MYRF: variants seen among roughly 807,000 people sequenced by gnomAD.
The protein encoded by MYRF is myelin regulatory factor.
MYRF carries 16 observed loss-of-function variants against 126.3 expected under a neutral mutation model. That is an observed-to-expected ratio of 0.13 (90% CI 0.09 to 0.19). MYRF has a LOEUF of 0.19. Ranked by LOEUF, MYRF falls within the 10% of genes least tolerant of loss-of-function variation. The pLI is 1.00. For missense variants in MYRF, 1,104 were observed against 1,547.0 expected, an observed-to-expected ratio of 0.71 and a Z score of 4.80; for synonymous variants, 608 against 635.3, an observed-to-expected ratio of 0.96 and a Z score of 0.65.
At chr11:61,753,627 G>A (rs1462499043) in intron 1 of MYRF, among the ~76,000 whole-genome samples, 3 of 144,760 alleles carry the variant, frequency 2.1e-5, no homozygotes, top group African/African-American at 5.2e-5. Flanking sequence ...CTCTGACCTC[G>A]CCCCCTCAAA....
chr11:61,771,358 TGAG>T, intron 5 of MYRF, 139 bp from the exon 6 acceptor site: 1 of 1,165,240 alleles, frequency 8.6e-7, no homozygotes, highest in East Asian at 2.5e-5. Flanking sequence ...AGGCAAAGCC[TGAG>T]GGCTTCCTGA....
Position 61,781,770 on chromosome 11 carries a change from G to C in MYRF, c.2962G>C (p.Ala988Pro), listed in dbSNP as rs1457790205. The change falls in exon 22 of 27, where the codon GCC (alanine) becomes CCC (proline). Residue 988 changes from alanine (A) to proline (P), a missense_variant. Ala to Pro is a conservative substitution (Grantham distance 27, BLOSUM62 -1). Transcript: ENST00000278836. Reference protein sequence around the residue: ...LGFHGRARRGALQSSVGPAEP... With the variant: ...LGFHGRARRGPLQSSVGPAEP... ...TTTCCATGGCCGGGCCCGCCGAGGG[G>C]CCCTCCAGTCCAGCGTGGGCCCTGC... is the stretch of plus-strand genomic sequence containing the variant. The C allele has an allele frequency of 6.2e-7, 1 of 1,610,252 alleles. No individual in the cohort carries two copies. The highest frequency in any genetic ancestry group is 8.5e-7 in the Non-Finnish European group (1 of 1,178,746).
At chr11:61,779,746 A>T (rs1188387621) in intron 16 of MYRF, 96 bp from the exon 17 acceptor site, 9 of 1,268,988 alleles carry the variant, frequency 7.1e-6, no homozygotes, top group Non-Finnish European at 9.9e-6. Context: ...GAAATGGGGC[A>T]CCCCCTTAAC....
Position 61,765,916 on chromosome 11 carries a change from C to T in MYRF, c.135-42C>T, listed in dbSNP as rs528624028. The T allele has an allele frequency of 3.7e-5, 54 of 1,468,888 alleles. No individual in the cohort carries two copies. In the African/African-American group the frequency reaches 7.5e-4, roughly 20 times the overall value. 91.0% of individuals were successfully genotyped at this position (1,468,888 alleles called of 1,614,324 possible). The stretch of plus-strand genomic sequence containing the variant: ...GGGGGCGGCTACTTCCCTGCTGGGG[C>T]TGGGGTCCTGGCTGGAGCTGAGCCG... On this transcript the variant is annotated intron_variant, in intron 2 of 26. Transcript: ENST00000278836.
At chr11:61,760,526 T>C (rs1264253821) in intron 1 of MYRF, among the ~76,000 whole-genome samples, 1 of 152,170 alleles carries the variant, frequency 6.6e-6, no homozygotes, top group Non-Finnish European at 1.5e-5. Flanking sequence ...TGACCATGCC[T>C]CAGAGGGACT....
Position 61,765,894 on chromosome 11 carries a change from G to A in MYRF, c.135-64G>A, listed in dbSNP as rs76368319. ...TCTCCATAGTTCCCTGCAGGGAGGG[G>A]GCGGCTACTTCCCTGCTGGGGCTGG... On this transcript the variant is annotated intron_variant, in intron 2 of 26. Coordinates refer to ENST00000278836, the MANE Select transcript of MYRF (RefSeq NM_001127392.3). The A allele has an allele frequency of 4.5e-3, 6,571 of 1,458,560 alleles. 16 individuals carry two copies. Among genetic ancestry groups the A allele is most frequent in the Non-Finnish European group, 5.4e-3 (5,977 of 1,104,632 alleles). The allele number at this position is 1,458,560 out of a possible 1,614,324, so 90.4% of individuals were successfully genotyped here. A position where few individuals can be genotyped will look rare whatever the true frequency, so the allele number is the denominator to read the frequency against.
rs545155361 is a variant in MYRF, at chr11:61,764,806, G to A, written c.47-819G>A. Among the ~76,000 whole-genome samples, 33 of 152,334 alleles carry A rather than the reference G, an allele frequency of 2.2e-4. No homozygotes were observed. In the South Asian group the frequency reaches 4.8e-3, roughly 22 times the overall value. On this transcript the variant is annotated intron_variant, in intron 1 of 26. Coordinates refer to ENST00000278836, the MANE Select transcript of MYRF (RefSeq NM_001127392.3). ...AGGGGCCCCTCCCCTTGGTGGGGCC[G>A]GGGCCAGCGCAGAGGGCCCAGGAGA...
intron 5 of MYRF, 82 bp downstream of exon 5, chr11:61,770,607 G>A: frequency 1.4e-6 from 2 of 1,392,728 alleles, no homozygotes; most frequent in Non-Finnish European, 1.9e-6. Flanking sequence ...GCAGGCCAGA[G>A]AGGGAGGTAG....
At chr11:61,753,450 G>A (rs942535589) in intron 1 of MYRF, among the ~76,000 whole-genome samples, 2 of 152,038 alleles carry the variant, frequency 1.3e-5, no homozygotes, top group African/African-American at 4.8e-5. Context: ...TTGGGGCTGG[G>A]ACCCCCCTCC....
rs1015246575 is a variant in MYRF at position 61,770,432 on chromosome 11, A to G, written c.647A>G (p.Tyr216Cys). 5.1e-6 allele frequency: 8 copies of G among 1,556,674 alleles called. No homozygotes were observed. In the African/African-American group the frequency reaches 1.1e-4, roughly 21 times the overall value. Residue 216 changes from tyrosine to cysteine, a missense_variant, in exon 5 of 27, where the codon TAC (tyrosine) becomes TGC (cysteine). Tyr to Cys is a radical substitution (Grantham distance 194). Transcript: ENST00000278836. ...AAGGCCGAGCCCCCGATCCCCCACT[A>G]CGCTGCCATGGGGCAGGGGCTGGTG... is the stretch of plus-strand genomic sequence containing the variant. The part of the protein sequence containing the change: ...YMKAEPPIPH[Y>C]AAMGQGLVPT...
chr11:61,773,788 A>G (rs1468094056), intron 7 of MYRF, among the ~76,000 whole-genome samples, 179 bp from the exon 8 acceptor site: 4 of 152,198 alleles, frequency 2.6e-5, no homozygotes, highest in Non-Finnish European at 5.9e-5. Context: ...GCAGCCCTGT[A>G]CTAGAATCCT....
At position 61,777,912 on chromosome 11, in the gene MYRF, C is replaced by A; in HGVS notation, c.1903+67C>A. ...AAACCTCGGGCCTCAGTGACCTTGC[C>A]CCCTGTCACCTGGAAATCCTACTCC... On this transcript the variant is annotated intron_variant, in intron 13 of 26. Coordinates refer to ENST00000278836, the MANE Select transcript of MYRF (RefSeq NM_001127392.3). This position sits in a 1 kb window ranked among gnomAD's most constrained non-coding sequence, Gnocchi z 8.8. 1 of 1,255,660 alleles carries A rather than the reference C, an allele frequency of 8.0e-7. No individual in the cohort carries two copies. The highest frequency in any genetic ancestry group is 1.1e-6 in the Non-Finnish European group (1 of 886,102). The allele number at this position is 1,255,660 out of a possible 1,614,324, so 77.8% of individuals were successfully genotyped here.
chr11:61,784,116 C>T (rs2066626469), intron 24 of MYRF, 164 bp from the exon 25 acceptor site: 2 of 952,020 alleles, frequency 2.1e-6, no homozygotes, highest in South Asian at 3.2e-5. Context: ...GGCTGAGGAC[C>T]ACATGGGATG....
intron 25 of MYRF, chr11:61,785,460 A>G (rs897360852): frequency 7.5e-6 from 2 of 266,554 alleles, no homozygotes; most frequent in Admixed American, 4.8e-5. Context: ...TAGTAGCAGC[A>G]CTGTGTCACT....
At chr11:61,774,383 G>A (rs1339311403) in intron 8 of MYRF, among the ~76,000 whole-genome samples, 1 of 152,052 alleles carries the variant, frequency 6.6e-6, no homozygotes, top group African/African-American at 2.4e-5. Context: ...GCCAGGCGTG[G>A]TAGTACGGGC....
chr11:61,765,455 G>A (rs2066028435), intron 1 of MYRF, among the ~76,000 whole-genome samples, 170 bp from the exon 2 acceptor site: 1 of 152,156 alleles, frequency 6.6e-6, no homozygotes, highest in African/African-American at 2.4e-5. Context: ...CTGGAGGGGT[G>A]CCAGGCAGTG....
chr11:61,753,013 G>A (rs2065649344), intron 1 of MYRF, among the ~76,000 whole-genome samples: 1 of 151,922 alleles, frequency 6.6e-6, no homozygotes. Flanking sequence ...TCCTCAACTC[G>A]CAGCTTCCTT....
rs367694531 is a variant in MYRF at position 61,771,603 on chromosome 11, G to T, written c.844G>T (p.Val282Leu). 5.6e-6 allele frequency: 9 copies of T among 1,613,788 alleles called. No homozygotes were observed. In the African/African-American group the frequency reaches 1.2e-4, roughly 22 times the overall value. Reference sequence around the variant, plus strand: ...AATGATCAAACAGGAGCCTGGGACCGTGACAGCCCTGCCTCTGCACCCCAC... The same window carrying T: ...AATGATCAAACAGGAGCCTGGGACCTTGACAGCCCTGCCTCTGCACCCCAC... ...NGMIKQEPGT[V>L]TALPLHPTRA... The change falls in exon 6 of 27, where the codon GTG becomes TTG. Residue 282 changes from valine to leucine, a missense_variant. Transcript: ENST00000278836.
At chr11:61,779,791 C>A in intron 16 of MYRF, 51 bp from the exon 17 acceptor site, 1 of 1,548,580 alleles carries the variant, frequency 6.5e-7, no homozygotes, top group Non-Finnish European at 8.9e-7. Flanking sequence ...CCACTGGGGA[C>A]AGCCTCAGCC....
Sources: allele counts gnomAD v4.1 joint callset (sites outside exome capture counted in the v4.1 genomes callset), GRCh38; gene constraint gnomAD v4.1.1; non-coding constraint Gnocchi (gnomAD v3.1); transcripts MANE v1.5; gene names NCBI Gene and HGNC (gene_info 2026-07-23, HGNC 2026-07-21).